Variants in PLEKHA5 observed in about 807,000 individuals in gnomAD.
PLEKHA5 encodes the protein pleckstrin homology domain containing A5.
Under a neutral mutation model 181.9 loss-of-function variants are expected in PLEKHA5, and 55 were observed. The ratio of observed to expected loss-of-function variants is 0.30; its 90% CI spans 0.24 to 0.38. The LOEUF is 0.38. Among genes scored for constraint, PLEKHA5 ranks in the 10% least tolerant of loss-of-function variants. The pLI is 1.00. For synonymous variants in PLEKHA5, 535 were observed against 529.4 expected (o/e 1.01, Z -0.15); for missense variants, 1,432 against 1,549.5 (o/e 0.92, Z 1.27).
chr12:19,203,861 TC>T (rs1222162664), intron 3 of PLEKHA5, among the ~76,000 whole-genome samples: 3 of 152,092 alleles, frequency 2.0e-5, no homozygotes, highest in Non-Finnish European at 1.5e-5. Flanking sequence ...TTTATTTGTT[TC>T]TTTTTAGTGA....
chr12:19,246,172 G>A (rs886551371), intron 3 of PLEKHA5, among the ~76,000 whole-genome samples: 1 of 151,184 alleles, frequency 6.6e-6, no homozygotes, highest in Non-Finnish European at 1.5e-5. Context: ...TAGAGACGGG[G>A]TTTCACCGTG....
chr12:19,229,714 G>A (rs1384042938), intron 3 of PLEKHA5, among the ~76,000 whole-genome samples: 1 of 152,194 alleles, frequency 6.6e-6, no homozygotes, highest in South Asian at 2.1e-4. Flanking sequence ...GCCACTGCTG[G>A]CTTGGGCAGC....
At chr12:19,230,648 C>G (rs2060384734) in intron 3 of PLEKHA5, among the ~76,000 whole-genome samples, 1 of 152,196 alleles carries the variant, frequency 6.6e-6, no homozygotes. Flanking sequence ...GCCGGCCACT[C>G]TGAGTGCGGC....
intron 3 of PLEKHA5, among the ~76,000 whole-genome samples, chr12:19,189,860 C>A (rs1384623892): frequency 6.6e-6 from 1 of 152,136 alleles, no homozygotes; most frequent in South Asian, 2.1e-4. Context: ...TAGAAAAGGG[C>A]TCTTTTGAGA....
At chr12:19,319,079 TC>T (rs1428279127) in intron 16 of PLEKHA5, among the ~76,000 whole-genome samples, 2 of 152,210 alleles carry the variant, frequency 1.3e-5, no homozygotes, top group Admixed American at 6.5e-5. Flanking sequence ...TTACTTTTTT[TC>T]CAGATAGGAA....
intron 3 of PLEKHA5, among the ~76,000 whole-genome samples, chr12:19,193,930 G>A (rs1022631981): frequency 1.4e-4 from 21 of 152,082 alleles, no homozygotes; most frequent in Admixed American, 1.3e-3. Context: ...GAATGGTAGG[G>A]AGAGAGGTGC....
intron 29 of PLEKHA5, among the ~76,000 whole-genome samples, chr12:19,365,756 T>C (rs1318047367): frequency 6.6e-6 from 1 of 152,184 alleles, no homozygotes; most frequent in Non-Finnish European, 1.5e-5. Context: ...GAAGCAAGAT[T>C]GGCAAACCAA....
intron 3 of PLEKHA5, among the ~76,000 whole-genome samples, chr12:19,160,672 T>A (rs1195304308): frequency 2.6e-5 from 4 of 152,142 alleles, no homozygotes; most frequent in African/African-American, 9.6e-5. Context: ...TGTACATCTT[T>A]TTAGTTATTA....
chr12:19,223,726 A>C lies in PLEKHA5; in HGVS notation c.228-30214A>C, dbSNP rs2059312890. Reference sequence around the variant, plus strand: ...TTTTAGGCATTCCAGCAAGTATCTTACATCAGAGATTAACTCAAAACATAA... The same window carrying C: ...TTTTAGGCATTCCAGCAAGTATCTTCCATCAGAGATTAACTCAAAACATAA... On this transcript the variant is annotated intron_variant, in intron 3 of 31. Coordinates refer to ENST00000429027, the MANE Select transcript of PLEKHA5 (RefSeq NM_001256470.2). 2.0e-5 allele frequency among the ~76,000 whole-genome samples: 3 copies of C among 152,280 alleles called. No individual in the cohort carries two copies. In the South Asian group the frequency reaches 6.2e-4, roughly 32 times the overall value.
intron 29 of PLEKHA5, among the ~76,000 whole-genome samples, chr12:19,362,933 G>C (rs2153234316): frequency 6.6e-6 from 1 of 151,856 alleles, no homozygotes; most frequent in East Asian, 1.9e-4. Context: ...CATGGATCTG[G>C]AGGGCCAACT....
At chr12:19,301,318 A>G (rs902190042) in intron 15 of PLEKHA5, among the ~76,000 whole-genome samples, 2 of 152,224 alleles carry the variant, frequency 1.3e-5, no homozygotes, top group Non-Finnish European at 2.9e-5. Flanking sequence ...AGAAAATGTG[A>G]CAATTTCAAA....
At chr12:19,141,505 A>G (rs2037285373) in intron 3 of PLEKHA5, among the ~76,000 whole-genome samples, 1 of 152,254 alleles carries the variant, frequency 6.6e-6, no homozygotes, top group Admixed American at 6.5e-5. Flanking sequence ...CTTATAATAT[A>G]GTGCAAAATG....
At chr12:19,319,034 T>TA (rs2089947926) in intron 16 of PLEKHA5, among the ~76,000 whole-genome samples, 1 of 152,258 alleles carries the variant, frequency 6.6e-6, no homozygotes, top group Non-Finnish European at 1.5e-5. Flanking sequence ...TTACTTTTTT[T>TA]ATCATAGATC....
Position 19,276,449 on chromosome 12 carries a change from G to A in PLEKHA5, c.1313+1466G>A, listed in dbSNP as rs150100066. 4.4e-3 allele frequency among the ~76,000 whole-genome samples: 669 copies of A among 152,242 alleles called. 3 individuals are homozygous for A. The highest frequency in any genetic ancestry group is 0.016 in the African/African-American group (646 of 41,550). On this transcript the variant is annotated intron_variant, in intron 11 of 31. Coordinates refer to ENST00000429027, the MANE Select transcript of PLEKHA5 (RefSeq NM_001256470.2). ...CTTGAGTCTGTAATCCCAGCACTTC[G>A]GGAGGCCAAGGCGGGCAGTTCAGTT...
At chr12:19,356,879 T>G (rs1273801499) in intron 26 of PLEKHA5, among the ~76,000 whole-genome samples, 1 of 152,082 alleles carries the variant, frequency 6.6e-6, no homozygotes, top group African/African-American at 2.4e-5. Flanking sequence ...CAGGCTGGTC[T>G]CTAACTCCTG....
intron 15 of PLEKHA5, among the ~76,000 whole-genome samples, chr12:19,308,677 A>G (rs1047391096): frequency 3.3e-5 from 5 of 152,292 alleles, no homozygotes; most frequent in South Asian, 2.1e-4. Flanking sequence ...AAAATCCTCC[A>G]ACATGATGGA....
At chr12:19,287,695 C>T (rs2152826604) in intron 13 of PLEKHA5, 139 bp downstream of exon 13, 1 of 609,656 alleles carries the variant, frequency 1.6e-6, no homozygotes, top group East Asian at 2.9e-5. Context: ...GCAAGAGATG[C>T]TCATCAGAAT....
At chr12:19,269,467 C>T (rs1397798521) in intron 8 of PLEKHA5, among the ~76,000 whole-genome samples, 1 of 148,910 alleles carries the variant, frequency 6.7e-6, no homozygotes, top group Non-Finnish European at 1.5e-5. Flanking sequence ...AGAGGCACCA[C>T]TAAGTACTTC....
At chr12:19,177,959 A>G (rs934887495) in intron 3 of PLEKHA5, among the ~76,000 whole-genome samples, 22 of 152,216 alleles carry the variant, frequency 1.4e-4, no homozygotes, top group African/African-American at 5.3e-4. Flanking sequence ...CACTGTGGAA[A>G]TGTAAACTCT....
Sources: allele counts gnomAD v4.1 joint callset (sites outside exome capture counted in the v4.1 genomes callset), GRCh38; gene constraint gnomAD v4.1.1; transcripts MANE v1.5; gene names NCBI Gene and HGNC (gene_info 2026-07-23, HGNC 2026-07-21).